The following RIC8B variants were observed in gnomAD, a reference collection of about 807,000 sequenced individuals.
RIC8B encodes RIC8 guanine nucleotide exchange factor B.
RIC8B carries 16 observed loss-of-function variants against 57.5 expected under a neutral mutation model. The ratio of observed to expected loss-of-function variants is 0.28; its 90% CI spans 0.19 to 0.42. The LOEUF is 0.42. RIC8B is among the 10% of genes least tolerant of loss of function. The pLI, the probability that RIC8B is intolerant of heterozygous loss-of-function variation, is 1.00. For synonymous variants in RIC8B, 216 were observed against 250.8 expected (o/e 0.86, Z 1.31); for missense variants, 481 against 677.0 (o/e 0.71, Z 3.21).
In RIC8B at chr12:106,885,890, ATC is replaced by A. The variant is rs781239509; in HGVS notation, c.1572-10_1572-9del. The A allele has an allele frequency of 9.4e-5, 146 of 1,555,354 alleles. No individual in the cohort carries two copies. Among genetic ancestry groups the A allele is most frequent in the Non-Finnish European group, 1.2e-4 (132 of 1,128,028 alleles). On this transcript the variant is annotated splice_polypyrimidine_tract_variant and intron_variant, in intron 9 of 9. Transcript: ENST00000392837. ...GAATACTTTTTTTTCTCTCTCTTTT[ATC>A]TCTTTTTCTAGAGAGGAGTTGCTTA... is the stretch of plus-strand genomic sequence containing the variant.
chr12:106,856,903 G>A (rs1949735138), intron 7 of RIC8B, among the ~76,000 whole-genome samples: 1 of 152,180 alleles, frequency 6.6e-6, no homozygotes, highest in East Asian at 1.9e-4. Flanking sequence ...ATGTGCCGGT[G>A]CTATGGCAAC....
chr12:106,883,313 A>G (rs1951038931), intron 9 of RIC8B, among the ~76,000 whole-genome samples: 1 of 152,162 alleles, frequency 6.6e-6, no homozygotes, highest in Non-Finnish European at 1.5e-5. Flanking sequence ...CCAACATCAC[A>G]AAGTCCTTTA....
At chr12:106,822,581 C>T (rs4964190) in intron 3 of RIC8B, 44,198 of 152,106 alleles carry the variant, frequency 0.29, 6,589 homozygotes, top group African/African-American at 0.34. Flanking sequence ...TCTTAACCTA[C>T]CTGTAGGTGA....
intron 4 of RIC8B, 72 bp downstream of exon 4, chr12:106,825,892 C>A: frequency 1.0e-6 from 1 of 998,362 alleles, no homozygotes; most frequent in Non-Finnish European, 1.6e-6. Flanking sequence ...CATCTAATTT[C>A]AATTGTTATA....
intron 7 of RIC8B, among the ~76,000 whole-genome samples, chr12:106,857,257 T>A (rs1039552458): frequency 1.1e-4 from 16 of 152,120 alleles, no homozygotes; most frequent in African/African-American, 3.9e-4. Flanking sequence ...AAGCCACTAG[T>A]TGAGTCTTCT....
intron 8 of RIC8B, among the ~76,000 whole-genome samples, chr12:106,864,168 A>G (rs1167774907): frequency 6.6e-6 from 1 of 152,148 alleles, no homozygotes; most frequent in Non-Finnish European, 1.5e-5. Context: ...TAATTCTTAA[A>G]TTACTTGAGA....
At chr12:106,811,234 T>G (rs142395111) in intron 2 of RIC8B, among the ~76,000 whole-genome samples, 61 of 152,362 alleles carry the variant, frequency 4.0e-4, no homozygotes, top group Non-Finnish European at 7.6e-4. Context: ...TTTTCAAGTC[T>G]GCCTGCTTTT....
chr12:106,848,295 A>T (rs1022079899), intron 6 of RIC8B, among the ~76,000 whole-genome samples: 7 of 152,166 alleles, frequency 4.6e-5, no homozygotes, highest in Non-Finnish European at 8.8e-5. Context: ...AGGCAGGGAG[A>T]ATAGTAGAAA....
chr12:106,830,466 A>T (rs1379311764), intron 4 of RIC8B, among the ~76,000 whole-genome samples: 1 of 152,224 alleles, frequency 6.6e-6, no homozygotes, highest in East Asian at 1.9e-4. Flanking sequence ...GTAAGTAAAT[A>T]GGTAGAGTTG....
chr12:106,851,333 TTTTG>T, intron 6 of RIC8B, 113 bp from the exon 7 acceptor site: 33 of 434,518 alleles, frequency 7.6e-5, no homozygotes, highest in South Asian at 2.8e-4. Context: ...TTTTTTTTTT[TTTTG>T]CTCCTACAAT....
chr12:106,839,711 A>G (rs952619650), intron 4 of RIC8B, among the ~76,000 whole-genome samples: 1 of 152,218 alleles, frequency 6.6e-6, no homozygotes, highest in Non-Finnish European at 1.5e-5. Flanking sequence ...AAAGAAAAAA[A>G]TACTTTTCAA....
At chr12:106,853,508 G>A (rs1416275602) in intron 7 of RIC8B, among the ~76,000 whole-genome samples, 4 of 108,742 alleles carry the variant, frequency 3.7e-5, no homozygotes, top group East Asian at 3.2e-4. Flanking sequence ...TCACTCCGTC[G>A]CCCAGGCTGG....
At chr12:106,858,462 A>G (rs1037550133) in intron 7 of RIC8B, among the ~76,000 whole-genome samples, 1 of 152,146 alleles carries the variant, frequency 6.6e-6, no homozygotes, top group Non-Finnish European at 1.5e-5. Flanking sequence ...GACCTTCATG[A>G]ATATTAAGAA....
chr12:106,864,613 T>C (rs1322242220), intron 8 of RIC8B, among the ~76,000 whole-genome samples: 1 of 152,170 alleles, frequency 6.6e-6, no homozygotes, highest in Non-Finnish European at 1.5e-5. Flanking sequence ...GGAATTTTAT[T>C]GTTGTTTTTT....
intron 8 of RIC8B, among the ~76,000 whole-genome samples, chr12:106,861,426 T>C (rs1474960287): frequency 6.6e-6 from 1 of 152,046 alleles, no homozygotes; most frequent in Admixed American, 6.6e-5. Flanking sequence ...AGACAGGACA[T>C]ATATGGCCTG....
intron 2 of RIC8B, among the ~76,000 whole-genome samples, chr12:106,805,238 C>A (rs1420925993): frequency 6.6e-6 from 1 of 152,198 alleles, no homozygotes; most frequent in Non-Finnish European, 1.5e-5. Flanking sequence ...ATACCACCAA[C>A]AACCAAGTTA....
chr12:106,795,416 G>T (rs2044435164), intron 2 of RIC8B, among the ~76,000 whole-genome samples: 1 of 152,128 alleles, frequency 6.6e-6, no homozygotes, highest in South Asian at 2.1e-4. Flanking sequence ...AGAGAGAGGG[G>T]ACTTCTGAGA....
intron 1 of RIC8B, among the ~76,000 whole-genome samples, chr12:106,781,207 C>T (rs140697835): frequency 1.4e-4 from 21 of 152,246 alleles, no homozygotes; most frequent in African/African-American, 4.8e-4. Flanking sequence ...ACCTCAGCCC[C>T]CCAAAGTGTT....
intron 2 of RIC8B, among the ~76,000 whole-genome samples, chr12:106,787,516 A>G (rs1347241544): frequency 6.6e-6 from 1 of 152,200 alleles, no homozygotes; most frequent in Non-Finnish European, 1.5e-5. Flanking sequence ...TCGTTTTCAC[A>G]CTGCTGATAA....
Sources: allele counts gnomAD v4.1 joint callset (sites outside exome capture counted in the v4.1 genomes callset), GRCh38; gene constraint gnomAD v4.1.1; transcripts MANE v1.5; gene names NCBI Gene and HGNC (gene_info 2026-07-23, HGNC 2026-07-21).